The following TMEM39B variants were observed in gnomAD, a reference collection of about 807,000 sequenced individuals.
TMEM39B encodes the protein transmembrane protein 39B.
Under a neutral mutation model 52.2 loss-of-function variants are expected in TMEM39B, and 23 were observed. That is an observed-to-expected ratio of 0.44 (90% CI 0.32 to 0.62). The LOEUF (loss-of-function observed/expected upper bound fraction) is 0.62. TMEM39B is among the 20% of genes least tolerant of loss of function. The pLI is 0.06. For missense variants in TMEM39B, 547 were observed against 642.0 expected (o/e 0.85, Z 1.60); for synonymous variants, 285 against 264.0 (o/e 1.08, Z -0.77).
chr1:32,096,930 A>G (rs1355847161), intron 7 of TMEM39B, among the ~76,000 whole-genome samples: 5 of 152,030 alleles, frequency 3.3e-5, no homozygotes, highest in Admixed American at 3.3e-4. Context: ...TCAGCTCCCA[A>G]GTCGCTGGGA....
intron 3 of TMEM39B, chr1:32,076,402 C>T: frequency 5.4e-6 from 2 of 370,100 alleles, no homozygotes; most frequent in Non-Finnish European, 1.1e-5. Context: ...TGAGCCACCG[C>T]GCCCGGCCAG....
intron 5 of TMEM39B, among the ~76,000 whole-genome samples, chr1:32,080,332 T>C (rs1478931627): frequency 1.3e-5 from 2 of 152,118 alleles, no homozygotes. Flanking sequence ...TTCATAGTTA[T>C]TAACAAATTG....
chr1:32,087,892 T>TCAATCTCCTGACCTCGTGATCCAC (rs1557429488), intron 5 of TMEM39B: 6 of 148,160 alleles, frequency 4.0e-5, no homozygotes, highest in African/African-American at 1.5e-4. Flanking sequence ...TCGTGATCCA[T>TCAATCTCCTGACCTCGTGATCCAC]CCGCCTCAGC....
At chr1:32,093,980 G>A (rs1164017118) in intron 6 of TMEM39B, among the ~76,000 whole-genome samples, 17 of 150,864 alleles carry the variant, frequency 1.1e-4, no homozygotes, top group South Asian at 8.4e-4. Flanking sequence ...CACCACGCCC[G>A]GCTAATTTTT....
chr1:32,073,620 C>G, intron 1 of TMEM39B: 1 of 987,424 alleles, frequency 1.0e-6, no homozygotes, highest in Non-Finnish European at 1.2e-6. Context: ...GGCAGAGCTT[C>G]TGGACTGGAC....
chr1:32,088,420 A>G (rs1374306772), intron 5 of TMEM39B, among the ~76,000 whole-genome samples: 1 of 152,124 alleles, frequency 6.6e-6, no homozygotes, highest in Non-Finnish European at 1.5e-5. Context: ...CCGTCTCAAA[A>G]AAAATAAAAA....
intron 5 of TMEM39B, among the ~76,000 whole-genome samples, chr1:32,088,193 G>A (rs185517135): frequency 2.0e-5 from 3 of 147,866 alleles, no homozygotes; most frequent in East Asian, 2.1e-4. Flanking sequence ...CGAAGTGGGC[G>A]ATCACGAGAT....
At chr1:32,100,755 G>T (rs1223871991) in intron 8 of TMEM39B, 193 bp downstream of exon 8, 6 of 707,280 alleles carry the variant, frequency 8.5e-6, no homozygotes, top group Non-Finnish European at 9.2e-6. Context: ...GCCGGGCATG[G>T]TGGCTCACGC....
In TMEM39B at chr1:32,094,849, C is replaced by T. The variant is rs372742944; in HGVS notation, c.993C>T (p.Ser331=). Residue 331 remains serine (S), a synonymous_variant, in exon 7 of 9, where the codon TCC becomes TCT. Transcript: ENST00000336294. ...TCCTGCTGGTGTCCATCAGCACCTC[C>T]GTGATCCTCATGCAGCACCTGCTGC... is the stretch of plus-strand genomic sequence containing the variant. ...ELFLLVSIST[S]VILMQHLLPA... 1.2e-5 allele frequency: 20 copies of T among 1,614,100 alleles called. No individual in the cohort carries two copies. Among genetic ancestry groups the T allele is most frequent in the African/African-American group, 4.0e-5 (3 of 74,958 alleles).
chr1:32,096,119 G>A (rs978425566), intron 7 of TMEM39B, among the ~76,000 whole-genome samples: 8 of 152,066 alleles, frequency 5.3e-5, no homozygotes, highest in Non-Finnish European at 1.0e-4. Context: ...AATCTCCTCA[G>A]GTCCTCATAT....
At chr1:32,098,181 A>G (rs1164164892) in intron 7 of TMEM39B, among the ~76,000 whole-genome samples, 1 of 151,044 alleles carries the variant, frequency 6.6e-6, no homozygotes, top group Non-Finnish European at 1.5e-5. Flanking sequence ...TTGTATTTTT[A>G]GTAGAGACGG....
intron 5 of TMEM39B, among the ~76,000 whole-genome samples, chr1:32,084,500 C>G (rs916326563): frequency 1.3e-5 from 2 of 152,166 alleles, no homozygotes; most frequent in African/African-American, 4.8e-5. Flanking sequence ...TGAGTCCTTG[C>G]ATGTCTAAAA....
intron 5 of TMEM39B, among the ~76,000 whole-genome samples, chr1:32,083,513 C>G (rs1487674970): frequency 7.2e-6 from 1 of 139,008 alleles, no homozygotes; most frequent in Admixed American, 7.8e-5. Context: ...ACCTTCACTT[C>G]CCAGTTTCAA....
At chr1:32,097,333 CT>C (rs1033574033) in intron 7 of TMEM39B, among the ~76,000 whole-genome samples, 470 of 138,800 alleles carry the variant, frequency 3.4e-3, no homozygotes, top group Middle Eastern at 7.3e-3. Flanking sequence ...CCAACTTCTT[CT>C]TTTTTTTTTT....
chr1:32,085,057 T>G (rs1177052283), intron 5 of TMEM39B, among the ~76,000 whole-genome samples: 1 of 152,220 alleles, frequency 6.6e-6, no homozygotes, highest in Non-Finnish European at 1.5e-5. Context: ...TTTGATTACT[T>G]GAAATTTCAA....
At chr1:32,083,827 C>T (rs1456585744) in intron 5 of TMEM39B, among the ~76,000 whole-genome samples, 1 of 152,150 alleles carries the variant, frequency 6.6e-6, no homozygotes, top group Non-Finnish European at 1.5e-5. Context: ...TTTATTGCAA[C>T]CTCTGCCTCA....
In TMEM39B at chr1:32,072,954, G is replaced by C; in HGVS notation, c.-94G>C. 6.7e-7 allele frequency: 1 copy of C among 1,481,626 alleles called. No individual in the cohort carries two copies. The highest frequency in any genetic ancestry group is 9.1e-7 in the Non-Finnish European group (1 of 1,101,372). The allele number at this position is 1,481,626 out of a possible 1,614,324, so 91.8% of individuals were successfully genotyped here. ...GCGCGCGGCTGATACCCGGGACTGG[G>C]CTGCGGCGGTTAGTCCTCTCCCGGC... On this transcript the variant is annotated 5_prime_UTR_variant, in exon 1 of 9. Coordinates refer to ENST00000336294, the MANE Select transcript of TMEM39B (RefSeq NM_018056.4).
chr1:32,072,896 C>A (rs895006516), upstream of TMEM39B: 3 of 1,058,044 alleles, frequency 2.8e-6, no homozygotes, highest in Non-Finnish European at 3.9e-6. Context: ...GCTTCCAGCC[C>A]GCCTTGTATG....
chr1:32,094,749 G>GA, intron 6 of TMEM39B, 35 bp from the exon 7 acceptor site: 1 of 1,609,422 alleles, frequency 6.2e-7, no homozygotes, highest in Non-Finnish European at 8.5e-7. Context: ...CCATTATGGG[G>GA]ATCCCAGGCC....
Sources: allele counts gnomAD v4.1 joint callset (sites outside exome capture counted in the v4.1 genomes callset), GRCh38; gene constraint gnomAD v4.1.1; transcripts MANE v1.5; gene names NCBI Gene and HGNC (gene_info 2026-07-23, HGNC 2026-07-21).